Variants in HDAC8 observed in about 807,000 individuals in gnomAD.
HDAC8 encodes the protein histone deacetylase-like 1.
A neutral mutation model predicts 32.2 loss-of-function variants in HDAC8; 1 was observed. That is an observed-to-expected ratio of 0.03 (90% confidence interval 0.01 to 0.15). HDAC8 has a LOEUF of 0.15. Among genes scored for constraint, HDAC8 ranks in the 10% least tolerant of loss-of-function variants. The pLI, the probability that HDAC8 is intolerant of heterozygous loss-of-function variation, is 1.00. For synonymous variants in HDAC8, 108 were observed against 113.9 expected, an observed-to-expected ratio of 0.95 and a Z score of 0.33; for missense variants, 117 against 300.0, an observed-to-expected ratio of 0.39 and a Z score of 4.51.
intron 9 of HDAC8, among the ~76,000 whole-genome samples, chrX:72,426,341 C>A (rs1273015686): frequency 2.7e-5 from 3 of 111,745 alleles, no homozygotes; most frequent in African/African-American, 9.8e-5. Flanking sequence ...GTTTACTCAT[C>A]CAGCATCCTT....
intron 9 of HDAC8, among the ~76,000 whole-genome samples, chrX:72,366,686 A>T (rs2044708329): frequency 8.9e-6 from 1 of 112,319 alleles, no homozygotes; most frequent in Non-Finnish European, 1.9e-5. Flanking sequence ...TGAGTGAATG[A>T]ATGACTCTGA....
rs142411127 is a variant in HDAC8, at chrX:72,495,841, T to C, written c.438-573A>G. 2.9e-3 allele frequency among the ~76,000 whole-genome samples: 324 copies of C among 112,373 alleles called. 1 individual carries two copies. Among genetic ancestry groups the C allele is most frequent in the African/African-American group, 9.7e-3 (301 of 31,028 alleles). On this transcript the variant is annotated intron_variant, in intron 4 of 10. Transcript: ENST00000373573. ...CTGGGCAGTATAATGTGGTCGCCTG[T>C]CTGTAAATGCAATTATTACAACGAA...
intron 9 of HDAC8, among the ~76,000 whole-genome samples, chrX:72,365,375 G>A (rs2044668511): frequency 1.8e-5 from 2 of 112,010 alleles, no homozygotes; most frequent in African/African-American, 3.3e-5. Flanking sequence ...TGGTCTTGAG[G>A]AGCTTACAGT....
At chrX:72,335,798 A>C (rs1555942292) in intron 10 of HDAC8, among the ~76,000 whole-genome samples, 1 of 109,382 alleles carries the variant, frequency 9.1e-6, no homozygotes, top group East Asian at 2.9e-4. Context: ...AGTCCAAGCT[A>C]CTCAAGAGGC....
chrX:72,572,566 T>C (rs2052133748), intron 1 of HDAC8, 85 bp downstream of exon 1: 4 of 648,547 alleles, frequency 6.2e-6, no homozygotes, highest in South Asian at 2.8e-5. Context: ...CAGCCCAGTG[T>C]CCTCTCCGCT....
At chrX:72,570,974 G>A (rs1385178716) in intron 2 of HDAC8, among the ~76,000 whole-genome samples, 3 of 112,046 alleles carry the variant, frequency 2.7e-5, no homozygotes, top group African/African-American at 9.7e-5. Context: ...ACCCAGGCTG[G>A]GGTGCAGTGG....
intron 5 of HDAC8, 147 bp from the exon 6 acceptor site, chrX:72,491,153 C>T (rs1556009427): frequency 9.6e-6 from 4 of 415,092 alleles, no homozygotes; most frequent in South Asian, 4.7e-5. Context: ...AAAAGTAATA[C>T]GAACCTCTGG....
intron 9 of HDAC8, among the ~76,000 whole-genome samples, chrX:72,359,888 C>T (rs968164215): frequency 9.2e-6 from 1 of 108,817 alleles, no homozygotes; most frequent in Non-Finnish European, 1.9e-5. Flanking sequence ...ACTCCCATCT[C>T]TACTAAAAAT....
intron 10 of HDAC8, among the ~76,000 whole-genome samples, chrX:72,338,038 C>G (rs1569225374): frequency 8.9e-6 from 1 of 112,030 alleles, no homozygotes; most frequent in Non-Finnish European, 1.9e-5. Flanking sequence ...TAGGACCACC[C>G]AAGCTAAGAA....
At chrX:72,468,465 T>A (rs928379357) in intron 7 of HDAC8, among the ~76,000 whole-genome samples, 9 of 111,799 alleles carry the variant, frequency 8.1e-5, no homozygotes, top group Non-Finnish European at 1.7e-4. Flanking sequence ...AAAATTGGAA[T>A]ATTATTTTTC....
At chrX:72,375,227 A>ATCTC (rs781961704) in intron 9 of HDAC8, among the ~76,000 whole-genome samples, 4 of 110,286 alleles carry the variant, frequency 3.6e-5, no homozygotes, top group Non-Finnish European at 5.7e-5. Context: ...CAAATAGGAT[A>ATCTC]TCTCTCTCTC....
At chrX:72,416,865 G>T (rs782424585) in intron 9 of HDAC8, among the ~76,000 whole-genome samples, 1 of 109,648 alleles carries the variant, frequency 9.1e-6, no homozygotes, top group African/African-American at 3.3e-5. Context: ...TTCTTTTATC[G>T]ATTTCCTGTT....
At chrX:72,422,423 T>C (rs1373621188) in intron 9 of HDAC8, among the ~76,000 whole-genome samples, 1 of 110,103 alleles carries the variant, frequency 9.1e-6, no homozygotes, top group Non-Finnish European at 1.9e-5. Context: ...AGTGCACTGA[T>C]TCTGTCTTGT....
At chrX:72,388,906 T>C (rs2045534526) in intron 9 of HDAC8, among the ~76,000 whole-genome samples, 1 of 112,127 alleles carries the variant, frequency 8.9e-6, no homozygotes, top group Non-Finnish European at 1.9e-5. Flanking sequence ...GGTGCCTTGA[T>C]CTTGGACTTC....
chrX:72,475,013 C>T (rs1165212729), intron 7 of HDAC8, among the ~76,000 whole-genome samples: 4 of 111,266 alleles, frequency 3.6e-5, no homozygotes, highest in South Asian at 3.9e-4. Context: ...CACCCTTAAC[C>T]GATACTGGTG....
intron 4 of HDAC8, among the ~76,000 whole-genome samples, chrX:72,521,749 T>C (rs1296743269): frequency 9.0e-6 from 1 of 111,590 alleles, no homozygotes; most frequent in Non-Finnish European, 1.9e-5. Context: ...TATTTCCTTA[T>C]TGTTCATTTG....
intron 4 of HDAC8, among the ~76,000 whole-genome samples, chrX:72,528,021 C>A (rs978810231): frequency 9.0e-6 from 1 of 110,514 alleles, no homozygotes; most frequent in Non-Finnish European, 1.9e-5. Context: ...GGTGATCCAC[C>A]CACCTCGGCC....
Position 72,423,422 on chromosome X carries a change from A to G in HDAC8, c.1005+38582T>C, listed in dbSNP as rs782507571. ...TTCCCTCCATATGTTTGAATAACAC[A>G]GGAAGGCTGCTAGTTGTTTTTCAAT... is the stretch of plus-strand genomic sequence containing the variant. On this transcript the variant is annotated intron_variant, in intron 9 of 10. Coordinates refer to ENST00000373573, the MANE Select transcript of HDAC8 (RefSeq NM_018486.3). Among the ~76,000 whole-genome samples, 161 of 111,978 alleles carry G rather than the reference A, an allele frequency of 1.4e-3. 1 individual carries two copies. Among genetic ancestry groups the G allele is most frequent in the Non-Finnish European group, 2.6e-3 (136 of 53,164 alleles).
intron 9 of HDAC8, among the ~76,000 whole-genome samples, chrX:72,436,073 G>A (rs1241598998): frequency 9.0e-6 from 1 of 111,222 alleles, no homozygotes; most frequent in Non-Finnish European, 1.9e-5. Flanking sequence ...CAGAGTCTCA[G>A]GGTCCTGTGT....
Sources: gnomAD v4.1 joint callset for allele counts (sites outside exome capture counted in the v4.1 genomes callset) on GRCh38, gnomAD v4.1.1 for gene constraint, MANE v1.5 for transcripts, NCBI Gene and HGNC (gene_info 2026-07-23, HGNC 2026-07-21) for gene names.